Variants in MIA3 observed in about 807,000 individuals in gnomAD.
MIA3 encodes MIA SH3 domain ER export factor 3, also known as transport and Golgi organization protein 1 homolog.
A neutral mutation model predicts 192.4 loss-of-function variants in MIA3; 90 were observed. The ratio of observed to expected loss-of-function variants is 0.47; its 90% CI spans 0.39 to 0.56. The LOEUF (loss-of-function observed/expected upper bound fraction) is 0.56. Ranked by LOEUF, MIA3 falls within the 20% of genes least tolerant of loss-of-function variation. The pLI, the probability that MIA3 is intolerant of heterozygous loss-of-function variation, is 0.00. For missense variants in MIA3, 2,123 were observed against 2,269.4 expected (o/e 0.94, Z 1.31); for synonymous variants, 740 against 792.8 (o/e 0.93, Z 1.12).
intron 15 of MIA3, among the ~76,000 whole-genome samples, chr1:222,653,580 C>G (rs185990927): frequency 3.3e-5 from 5 of 152,322 alleles, no homozygotes; most frequent in Admixed American, 6.5e-5. Flanking sequence ...GGGAGCTGCA[C>G]TGGTCATGTC....
At chr1:222,618,443 G>T (rs915637469) in intron 1 of MIA3, among the ~76,000 whole-genome samples, 200 bp downstream of exon 1, 6 of 152,120 alleles carry the variant, frequency 3.9e-5, no homozygotes, top group South Asian at 2.1e-4. Context: ...GCCTTCTCCC[G>T]CTCTGCCTGC....
At chr1:222,652,165 G>C in intron 12 of MIA3, 63 bp from the exon 13 acceptor site, 1 of 1,469,968 alleles carries the variant, frequency 6.8e-7, no homozygotes, top group East Asian at 2.3e-5. Context: ...ATGTTGGGTT[G>C]GAAAAGTAAC....
intron 18 of MIA3, 119 bp from the exon 19 acceptor site, chr1:222,658,603 C>A: frequency 1.5e-6 from 1 of 688,096 alleles, no homozygotes; most frequent in Non-Finnish European, 2.4e-6. Context: ...CTTCCTGTGA[C>A]TTTGTATAAT....
rs1661699468 is a variant in MIA3, at chr1:222,618,301, G to A, written c.133+58G>A. 4 of 1,286,622 alleles carry A rather than the reference G, an allele frequency of 3.1e-6. No individual in the cohort carries two copies. In the East Asian group the frequency reaches 1.3e-4, roughly 42 times the overall value. 79.7% of individuals were successfully genotyped at this position (1,286,622 alleles called of 1,614,324 possible). ...GCGGCTGGCCTTGGGGTCTCCGCCGGCCCCGGGGGTCTCCGCGGCGGCGCC... is the reference window on the plus strand; with the variant it reads ...GCGGCTGGCCTTGGGGTCTCCGCCGACCCCGGGGGTCTCCGCGGCGGCGCC... On this transcript the variant is annotated intron_variant, in intron 1 of 27. Transcript: ENST00000344922.
At chr1:222,618,724 C>T (rs1661726399) in intron 1 of MIA3, among the ~76,000 whole-genome samples, 1 of 152,150 alleles carries the variant, frequency 6.6e-6, no homozygotes, top group Non-Finnish European at 1.5e-5. Flanking sequence ...GGCAGATGCG[C>T]TAAGGGCTCG....
chr1:222,662,035 C>G (rs777836262), intron 24 of MIA3, 21 bp from the exon 25 acceptor site: 2 of 1,600,564 alleles, frequency 1.2e-6, no homozygotes, highest in East Asian at 4.5e-5. Context: ...CATATAAGGA[C>G]TCTGTTATTT....
chr1:222,634,390 CAGAA>C (rs761874773), intron 6 of MIA3, among the ~76,000 whole-genome samples: 38 of 152,072 alleles, frequency 2.5e-4, no homozygotes, highest in Non-Finnish European at 4.6e-4. Flanking sequence ...CAGGGAAAGT[CAGAA>C]AGGAAATTGT....
In MIA3 at chr1:222,665,405, C is replaced by A; in HGVS notation, c.5510C>A (p.Pro1837His). Residue 1837 changes from proline to histidine, a missense_variant, in exon 28 of 28, where the codon CCT becomes CAT. Physicochemically the swap from Pro to His is moderately conservative, Grantham distance 77. Around this residue, in one of 3 missense-constraint regions of MIA3, gnomAD observed 762 missense variants for 856.4 expected, o/e 0.89. Coordinates refer to ENST00000344922, the MANE Select transcript of MIA3 (RefSeq NM_198551.4). ...DLPLHPRGFLPGHAPFRPLGS... is the reference protein window; with the variant it reads ...DLPLHPRGFLHGHAPFRPLGS... ...CCTCTCCACCCTCGGGGATTTTTAC[C>A]TGGACACGCACCATTTAGACCTTTA... The A allele has an allele frequency of 6.2e-7, 1 of 1,613,954 alleles. No homozygotes were observed.
At chr1:222,656,295 T>C (rs1663726654) in intron 18 of MIA3, among the ~76,000 whole-genome samples, 2 of 152,094 alleles carry the variant, frequency 1.3e-5, no homozygotes, top group South Asian at 2.1e-4. Context: ...TAATGCAGGT[T>C]CAGTGAGTTT....
chr1:222,622,293 A>AT (rs1278368332), intron 2 of MIA3, among the ~76,000 whole-genome samples: 1 of 152,106 alleles, frequency 6.6e-6, no homozygotes, highest in Non-Finnish European at 1.5e-5. Flanking sequence ...GAGTGACCTG[A>AT]TTGAGAGGCC....
intron 2 of MIA3, among the ~76,000 whole-genome samples, chr1:222,624,272 C>G (rs4846384): frequency 0.56 from 84,619 of 152,084 alleles, 26,975 homozygotes; most frequent in Non-Finnish European, 0.71. Context: ...CACACAAACT[C>G]AGATCTTACA....
At chr1:222,650,089 C>T (rs1663345406) in intron 8 of MIA3, 1 of 562,486 alleles carries the variant, frequency 1.8e-6, no homozygotes, top group Admixed American at 2.6e-5. Flanking sequence ...CCAGGCCCCA[C>T]CTGAACACTG....
Position 222,650,906 on chromosome 1 carries a change from A to G in MIA3, c.3909+3A>G. The G allele has an allele frequency of 6.4e-7, 1 of 1,564,232 alleles. No individual in the cohort carries two copies. On this transcript the variant is annotated splice_donor_region_variant and intron_variant, in intron 11 of 27. Coordinates refer to ENST00000344922, the MANE Select transcript of MIA3 (RefSeq NM_198551.4). ...AGAATGTCAAGAATCAGGACTTGGT[A>G]AGAGTTTTGCTGCTAAGTATTACTA...
intron 24 of MIA3, chr1:222,661,658 G>A (rs1165263280): frequency 6.1e-6 from 1 of 163,500 alleles, no homozygotes; most frequent in South Asian, 1.6e-4. Flanking sequence ...TCGTTTATGC[G>A]GCATACATGT....
At chr1:222,652,148 C>A in intron 12 of MIA3, 80 bp from the exon 13 acceptor site, 1 of 1,389,590 alleles carries the variant, frequency 7.2e-7, no homozygotes, top group South Asian at 1.2e-5. Context: ...AAAATGAAAA[C>A]TACATGATGT....
At chr1:222,638,146 C>A (rs1662712307) in intron 6 of MIA3, among the ~76,000 whole-genome samples, 1 of 152,036 alleles carries the variant, frequency 6.6e-6, no homozygotes, top group Non-Finnish European at 1.5e-5. Context: ...CCAAGAAGAG[C>A]AGAATACATA....
intron 3 of MIA3, among the ~76,000 whole-genome samples, chr1:222,625,505 T>C (rs1662073140): frequency 6.6e-6 from 1 of 152,252 alleles, no homozygotes; most frequent in African/African-American, 2.4e-5. Context: ...TTAATTAAGC[T>C]CTAATTTTAT....
At chr1:222,657,218 G>T (rs1458048461) in intron 18 of MIA3, among the ~76,000 whole-genome samples, 1 of 152,178 alleles carries the variant, frequency 6.6e-6, no homozygotes, top group African/African-American at 2.4e-5. Flanking sequence ...AAATGGCTTA[G>T]TTCCTTTAAA....
chr1:222,629,109 C>G lies in MIA3; in HGVS notation c.1889C>G (p.Pro630Arg), dbSNP rs1315330596. Residue 630 changes from proline (P) to arginine (R), a missense_variant, in exon 4 of 28, where the codon CCT (proline) becomes CGT (arginine). Pro to Arg is a moderately radical substitution (Grantham distance 103). Around this residue, in one of 3 missense-constraint regions of MIA3, gnomAD observed 1,357 missense variants for 1,396.1 expected, o/e 0.97. Coordinates refer to ENST00000344922, the MANE Select transcript of MIA3 (RefSeq NM_198551.4). ...EELVLKTQNQ[P>R]RFSSPDEIDL... is the part of the protein sequence containing the mutation. ...TTAGTTCTTAAAACTCAAAACCAAC[C>G]TAGATTCTCCTCTCCAGATGAGATT... 2 of 1,614,218 alleles carry G rather than the reference C, an allele frequency of 1.2e-6. No homozygotes were observed. Among genetic ancestry groups the G allele is most frequent in the Non-Finnish European group, 1.7e-6 (2 of 1,180,038 alleles).
Sources: gnomAD v4.1 joint callset for allele counts (sites outside exome capture counted in the v4.1 genomes callset) on GRCh38, gnomAD v4.1.1 for gene constraint, gnomAD v4.1.1 regional missense constraint, MANE v1.5 for transcripts, NCBI Gene and HGNC (gene_info 2026-07-23, HGNC 2026-07-21) for gene names.